ACER3: variants seen among roughly 807,000 people sequenced by gnomAD.
ACER3 encodes alkCDase 3.
ACER3 carries 16 observed loss-of-function variants against 48.9 expected under a neutral mutation model. That is an observed-to-expected ratio of 0.33 (90% CI 0.22 to 0.50). ACER3 has a LOEUF of 0.50. Ranked by LOEUF, ACER3 falls within the 20% of genes least tolerant of loss-of-function variation. The pLI is 0.98. For missense variants in ACER3, 227 were observed against 326.0 expected (o/e 0.70, Z 2.34); for synonymous variants, 109 against 107.8 (o/e 1.01, Z -0.07).
intron 1 of ACER3, among the ~76,000 whole-genome samples, chr11:76,874,864 A>G (rs73507817): frequency 0.11 from 16,476 of 151,740 alleles, 2,953 homozygotes; most frequent in African/African-American, 0.37. Context: ...GGATTTTTAG[A>G]TGTTTTCTGT....
chr11:76,943,386 TA>T (rs966466027), intron 2 of ACER3, among the ~76,000 whole-genome samples: 1 of 152,088 alleles, frequency 6.6e-6, no homozygotes, highest in African/African-American at 2.4e-5. Context: ...CAAAAGATTT[TA>T]AAATTTCTAT....
At chr11:76,901,547 C>G (rs529864818) in intron 1 of ACER3, among the ~76,000 whole-genome samples, 3 of 152,076 alleles carry the variant, frequency 2.0e-5, no homozygotes, top group Non-Finnish European at 4.4e-5. Flanking sequence ...CCTCAGACAC[C>G]GAGTTAAAGA....
At chr11:77,008,228 G>A (rs1316455143) in intron 7 of ACER3, among the ~76,000 whole-genome samples, 4 of 152,088 alleles carry the variant, frequency 2.6e-5, no homozygotes, top group African/African-American at 9.7e-5. Context: ...TTAGTGGAAC[G>A]AATATGAAAA....
intron 2 of ACER3, among the ~76,000 whole-genome samples, chr11:76,954,729 T>G (rs1947791689): frequency 6.6e-6 from 1 of 152,024 alleles, no homozygotes; most frequent in African/African-American, 2.4e-5. Flanking sequence ...GCCTCCCAAG[T>G]AGCTGTGACT....
chr11:76,970,536 ATGTG>A (rs1217226008), intron 3 of ACER3, among the ~76,000 whole-genome samples: 1 of 151,726 alleles, frequency 6.6e-6, no homozygotes, highest in Admixed American at 6.6e-5. Context: ...TACAATGTAC[ATGTG>A]TGTGTGTGTG....
chr11:76,869,383 C>T (rs1254966895), intron 1 of ACER3, among the ~76,000 whole-genome samples: 1 of 152,172 alleles, frequency 6.6e-6, no homozygotes, highest in Non-Finnish European at 1.5e-5. Context: ...GCTATGATCG[C>T]TTATTACAAA....
intron 2 of ACER3, 74 bp from the exon 3 acceptor site, chr11:76,958,905 C>A: frequency 6.7e-7 from 1 of 1,500,946 alleles, no homozygotes; most frequent in Non-Finnish European, 9.3e-7. Flanking sequence ...TTTGAAATGT[C>A]TTATTGTCTT....
chr11:76,945,900 G>C (rs969534611), intron 2 of ACER3, among the ~76,000 whole-genome samples: 74 of 152,204 alleles, frequency 4.9e-4, no homozygotes, highest in African/African-American at 1.7e-3. Context: ...GAAACAGGGT[G>C]ATAGGTATTG....
chr11:76,957,566 C>T lies in ACER3; in HGVS notation c.215-1413C>T, dbSNP rs1279111428. On this transcript the variant is annotated intron_variant, in intron 2 of 10. Transcript: ENST00000532485. ...TTACGCGATCCTTCTGCCTCAGCCTCCCAAGTAGCTGGGACTACAGGTGTG... is the reference window on the plus strand; with the variant it reads ...TTACGCGATCCTTCTGCCTCAGCCTTCCAAGTAGCTGGGACTACAGGTGTG... 3.3e-5 allele frequency: 13 copies of T among 397,088 alleles called. No individual in the cohort carries two copies. In the Admixed American group the frequency reaches 3.3e-4, roughly 10 times the overall value. 24.6% of individuals were successfully genotyped at this position (397,088 alleles called of 1,614,324 possible). A position where few individuals can be genotyped will look rare whatever the true frequency, so the allele number is the denominator to read the frequency against.
At chr11:76,879,588 T>C (rs1439026183) in intron 1 of ACER3, among the ~76,000 whole-genome samples, 1 of 152,228 alleles carries the variant, frequency 6.6e-6, no homozygotes, top group African/African-American at 2.4e-5. Flanking sequence ...GCAGATATCC[T>C]GTATTTGATT....
At position 76,931,904 on chromosome 11, in the gene ACER3, TC is replaced by T. The variant is rs1947008671; in HGVS notation, c.214+5239del. Reference sequence around the variant, plus strand: ...CTCTCTGACTGCCCTTAACATTTTTTCCTTCATTTCCACTTTGGTGAATCTG... The same window carrying T: ...CTCTCTGACTGCCCTTAACATTTTTTCTTCATTTCCACTTTGGTGAATCTG... On this transcript the variant is annotated intron_variant, in intron 2 of 10. Transcript: ENST00000532485. Among the ~76,000 whole-genome samples, 3 of 152,232 alleles carry T rather than the reference TC, an allele frequency of 2.0e-5. No individual in the cohort carries two copies. The South Asian group carries it at 6.2e-4, about 32-fold the overall frequency.
At chr11:76,996,186 T>G (rs558295139) in intron 6 of ACER3, among the ~76,000 whole-genome samples, 1 of 152,118 alleles carries the variant, frequency 6.6e-6, no homozygotes, top group Non-Finnish European at 1.5e-5. Context: ...GAACCCTAAA[T>G]CTCTCTCTAA....
chr11:77,008,254 T>G (rs1949194415), intron 7 of ACER3, among the ~76,000 whole-genome samples: 1 of 152,216 alleles, frequency 6.6e-6, no homozygotes, highest in Admixed American at 6.5e-5. Context: ...ATCCACTTCA[T>G]CTTCCCAGAA....
At chr11:76,863,409 G>C (rs1944991096) in intron 1 of ACER3, among the ~76,000 whole-genome samples, 1 of 152,134 alleles carries the variant, frequency 6.6e-6, no homozygotes, top group Non-Finnish European at 1.5e-5. Context: ...AGGAATCAGA[G>C]GGGTTGCAAG....
chr11:76,907,070 GTTTT>G, intron 1 of ACER3, among the ~76,000 whole-genome samples: 1 of 151,774 alleles, frequency 6.6e-6, no homozygotes, highest in Admixed American at 6.6e-5. Context: ...TTCTCTCACT[GTTTT>G]TTTTCACCCT....
At chr11:76,913,716 A>G (rs4556574) in intron 1 of ACER3, among the ~76,000 whole-genome samples, 90,135 of 151,950 alleles carry the variant, frequency 0.59, 28,953 homozygotes, top group Non-Finnish European at 0.73. Context: ...AGTTCATATG[A>G]AAGCAAAAAA....
At chr11:76,887,517 A>G (rs562629281) in intron 1 of ACER3, among the ~76,000 whole-genome samples, 47 of 152,248 alleles carry the variant, frequency 3.1e-4, no homozygotes, top group Non-Finnish European at 3.4e-4. Context: ...TAGTTTTTCA[A>G]ATATATATAT....
chr11:76,937,779 T>A (rs1947231056), intron 2 of ACER3, among the ~76,000 whole-genome samples: 1 of 152,198 alleles, frequency 6.6e-6, no homozygotes, highest in Admixed American at 6.5e-5. Context: ...GTATTTTTAT[T>A]TCAAAAGTAT....
rs1466341712 is a variant in ACER3, at chr11:77,023,215, T to C, written c.*2888T>C. On this transcript the variant is annotated 3_prime_UTR_variant, in exon 11 of 11. Coordinates refer to ENST00000532485, the MANE Select transcript of ACER3 (RefSeq NM_018367.7). ...CAAATGAGAACCCAAATAGTAGTGTTTTGTTTGACAGAAGTAAATCAAATA... is the reference window on the plus strand; with the variant it reads ...CAAATGAGAACCCAAATAGTAGTGTCTTGTTTGACAGAAGTAAATCAAATA... The C allele has an allele frequency of 5.0e-6, 2 of 398,372 alleles. No homozygotes were observed. The highest frequency in any genetic ancestry group is 8.8e-5 in the Admixed American group (2 of 22,720). The allele number at this position is 398,372 out of a possible 1,614,324, so 24.7% of individuals were successfully genotyped here.
Sources: gnomAD v4.1 joint callset for allele counts (sites outside exome capture counted in the v4.1 genomes callset) on GRCh38, gnomAD v4.1.1 for gene constraint, MANE v1.5 for transcripts, NCBI Gene and HGNC (gene_info 2026-07-23, HGNC 2026-07-21) for gene names.